The following MCTP2 variants were observed in gnomAD, a reference collection of about 807,000 sequenced individuals.
The protein encoded by MCTP2 is multiple C2 and transmembrane domain containing 2, also known as multiple C2 and transmembrane domain-containing protein 2.
MCTP2 carries 132 observed loss-of-function variants against 111.6 expected under a neutral mutation model. The observed-to-expected ratio is 1.18, with a 90% confidence interval of 1.03 to 1.37. The LOEUF is 1.37. MCTP2 is among the 40% of genes most tolerant of loss of function. The pLI, the probability that MCTP2 is intolerant of heterozygous loss-of-function variation, is 0.00. For missense variants in MCTP2, 1,183 were observed against 1,067.9 expected (o/e 1.11, Z -1.50); for synonymous variants, 395 against 387.7 (o/e 1.02, Z -0.22).
chr15:94,350,655 C>T (rs1446787767), intron 8 of MCTP2, among the ~76,000 whole-genome samples: 1 of 152,242 alleles, frequency 6.6e-6, no homozygotes, highest in Non-Finnish European at 1.5e-5. Context: ...CTGCTTCACA[C>T]TACTCCCAGC....
chr15:94,386,021 A>T (rs2080449545), intron 14 of MCTP2, among the ~76,000 whole-genome samples: 1 of 152,256 alleles, frequency 6.6e-6, no homozygotes, highest in Admixed American at 6.5e-5. Flanking sequence ...CTCAAAATTT[A>T]AAAATGCTTT....
At chr15:94,278,867 C>T (rs1021077396) in intron 1 of MCTP2, among the ~76,000 whole-genome samples, 7 of 152,144 alleles carry the variant, frequency 4.6e-5, no homozygotes, top group African/African-American at 1.7e-4. Flanking sequence ...GGATAATGGC[C>T]TACAGCTCCC....
intron 17 of MCTP2, among the ~76,000 whole-genome samples, chr15:94,425,575 A>G (rs1215506965): frequency 6.6e-6 from 1 of 152,186 alleles, no homozygotes; most frequent in East Asian, 1.9e-4. Context: ...AACAAAAATC[A>G]TGAGTAAAAT....
At chr15:94,405,296 CCA>C (rs1285229680) in intron 17 of MCTP2, among the ~76,000 whole-genome samples, 1 of 152,144 alleles carries the variant, frequency 6.6e-6, no homozygotes, top group African/African-American at 2.4e-5. Context: ...GACTCTAGCT[CCA>C]GGTGATACAA....
intron 1 of MCTP2, among the ~76,000 whole-genome samples, chr15:94,267,939 C>T (rs1031498306): frequency 7.8e-6 from 1 of 128,094 alleles, no homozygotes; most frequent in African/African-American, 3.0e-5. Context: ...GATCTTGGCT[C>T]ACTGCAAGCT....
intron 4 of MCTP2, among the ~76,000 whole-genome samples, chr15:94,328,043 T>G (rs2076958271): frequency 6.6e-6 from 1 of 152,200 alleles, no homozygotes; most frequent in South Asian, 2.1e-4. Flanking sequence ...CAAACATCAT[T>G]GGCTTGAATT....
At chr15:94,280,063 T>C (rs1427403652) in intron 1 of MCTP2, among the ~76,000 whole-genome samples, 1 of 152,086 alleles carries the variant, frequency 6.6e-6, no homozygotes, top group Non-Finnish European at 1.5e-5. Flanking sequence ...GTTGTTGTTG[T>C]GTCTGTGCCA....
chr15:94,236,388 T>C (rs1031498512), intron 1 of MCTP2, among the ~76,000 whole-genome samples: 35 of 135,712 alleles, frequency 2.6e-4, no homozygotes, highest in East Asian at 6.4e-4. Context: ...TTTTTTTTTT[T>C]TTTTTTTTTT....
In MCTP2 at chr15:94,374,037, G is replaced by T. The variant is rs139978796; in HGVS notation, c.1582+3857G>T. 4.7e-3 allele frequency among the ~76,000 whole-genome samples: 714 copies of T among 152,242 alleles called. 6 individuals are homozygous for T. Among genetic ancestry groups the T allele is most frequent in the African/African-American group, 0.017 (690 of 41,546 alleles). ...AGAAGAAAACAACTCGCGTTCTAAT[G>T]ATTAACTGAAAAAGAGAAACATTTT... On this transcript the variant is annotated intron_variant, in intron 12 of 22. Transcript: ENST00000357742.
At chr15:94,328,792 T>A (rs2077007579) in intron 4 of MCTP2, among the ~76,000 whole-genome samples, 1 of 152,182 alleles carries the variant, frequency 6.6e-6, no homozygotes, top group Non-Finnish European at 1.5e-5. Context: ...AGTTGGCCTG[T>A]TTTTGCTGCA....
intron 1 of MCTP2, among the ~76,000 whole-genome samples, chr15:94,249,283 G>C (rs1196978553): frequency 6.6e-6 from 1 of 152,160 alleles, no homozygotes; most frequent in East Asian, 1.9e-4. Flanking sequence ...CTAATTAGCT[G>C]TGCCATATCT....
At chr15:94,424,949 A>G (rs1012630266) in intron 17 of MCTP2, among the ~76,000 whole-genome samples, 13 of 151,990 alleles carry the variant, frequency 8.6e-5, no homozygotes, top group African/African-American at 3.1e-4. Context: ...TACTTAAAAT[A>G]TCTTCTAGAG....
intron 17 of MCTP2, among the ~76,000 whole-genome samples, chr15:94,425,060 T>G (rs1433938): frequency 8.5e-5 from 13 of 152,186 alleles, no homozygotes; most frequent in African/African-American, 1.2e-4. Context: ...TTTTGTGACA[T>G]GTTTGAAAAA....
At chr15:94,278,260 T>A (rs1364998237) in intron 1 of MCTP2, 2 of 152,146 alleles carry the variant, frequency 1.3e-5, no homozygotes, top group African/African-American at 2.4e-5. Context: ...TATCAACACT[T>A]ATGGTAAACC....
At chr15:94,451,062 A>AT (rs957645387) in intron 19 of MCTP2, among the ~76,000 whole-genome samples, 4 of 152,028 alleles carry the variant, frequency 2.6e-5, no homozygotes, top group Admixed American at 6.6e-5. Context: ...GATTTTTAAA[A>AT]TTTTTTTTCT....
chr15:94,328,706 A>G (rs1426498211), intron 4 of MCTP2, among the ~76,000 whole-genome samples: 2 of 152,148 alleles, frequency 1.3e-5, no homozygotes, highest in Non-Finnish European at 2.9e-5. Context: ...TCTCTATGTA[A>G]CAAATTGCCT....
intron 1 of MCTP2, among the ~76,000 whole-genome samples, chr15:94,249,984 T>G (rs1286122441): frequency 6.6e-6 from 1 of 151,294 alleles, no homozygotes; most frequent in South Asian, 2.1e-4. Context: ...ATGTCAATAG[T>G]AAAAGAAAAA....
chr15:94,396,057 A>G (rs1218551731), intron 14 of MCTP2, among the ~76,000 whole-genome samples: 2 of 152,170 alleles, frequency 1.3e-5, no homozygotes, highest in Non-Finnish European at 2.9e-5. Flanking sequence ...ATTATGCACT[A>G]TTTGGCCATG....
At chr15:94,427,155 C>A (rs1182030160) in intron 17 of MCTP2, among the ~76,000 whole-genome samples, 1 of 152,044 alleles carries the variant, frequency 6.6e-6, no homozygotes, top group Non-Finnish European at 1.5e-5. Context: ...ATGTTTTTGT[C>A]TTTTAAGTCC....
Sources: gnomAD v4.1 joint callset for allele counts (sites outside exome capture counted in the v4.1 genomes callset) on GRCh38, gnomAD v4.1.1 for gene constraint, MANE v1.5 for transcripts, NCBI Gene and HGNC (gene_info 2026-07-23, HGNC 2026-07-21) for gene names.